ZRANB3: variants seen among roughly 807,000 people sequenced by gnomAD.
ZRANB3 encodes zinc finger RANBP2-type containing 3.
Under a neutral mutation model 133.8 loss-of-function variants are expected in ZRANB3, and 125 were observed. The observed-to-expected ratio is 0.93, with a 90% CI of 0.81 to 1.08. ZRANB3 has a LOEUF of 1.08. Among genes scored for constraint, ZRANB3 ranks in the 50% least tolerant of loss-of-function variants. ZRANB3 has a pLI of 0.00. For missense variants in ZRANB3, 1,229 were observed against 1,275.5 expected, an observed-to-expected ratio of 0.96 and a Z score of 0.56; for synonymous variants, 387 against 432.7, an observed-to-expected ratio of 0.89 and a Z score of 1.31.
chr2:135,400,722 G>T (rs1016568570), intron 2 of ZRANB3, among the ~76,000 whole-genome samples: 1 of 152,070 alleles, frequency 6.6e-6, no homozygotes, highest in Non-Finnish European at 1.5e-5. Context: ...AATATTTTAG[G>T]CTTTACAGGT....
chr2:135,265,314 C>T (rs1022748645), intron 12 of ZRANB3, among the ~76,000 whole-genome samples: 1 of 152,094 alleles, frequency 6.6e-6, no homozygotes, highest in African/African-American at 2.4e-5. Flanking sequence ...CTTTTGAACT[C>T]TGAATTTTAT....
intron 12 of ZRANB3, among the ~76,000 whole-genome samples, chr2:135,262,021 G>A (rs552145204): frequency 1.7e-4 from 26 of 151,916 alleles, no homozygotes; most frequent in African/African-American, 5.3e-4. Flanking sequence ...TTAGCCAGGC[G>A]TGGTGGCGTG....
intron 18 of ZRANB3, among the ~76,000 whole-genome samples, chr2:135,208,044 T>C (rs935679216): frequency 2.6e-5 from 4 of 152,212 alleles, no homozygotes; most frequent in Admixed American, 2.6e-4. Context: ...AATATAAATA[T>C]GTTGCCTCTC....
chr2:135,458,039 A>G (rs1046313381), intron 2 of ZRANB3, among the ~76,000 whole-genome samples: 1 of 152,124 alleles, frequency 6.6e-6, no homozygotes, highest in Admixed American at 6.5e-5. Context: ...TCTAGCTCTT[A>G]CATCTTTGAT....
intron 5 of ZRANB3, among the ~76,000 whole-genome samples, chr2:135,347,830 G>A (rs1685011959): frequency 6.6e-6 from 1 of 152,108 alleles, no homozygotes; most frequent in African/African-American, 2.4e-5. Context: ...AGTGCTTAGA[G>A]GAAAATTAAT....
intron 2 of ZRANB3, among the ~76,000 whole-genome samples, chr2:135,395,437 G>A (rs988543773): frequency 4.3e-5 from 6 of 140,818 alleles, no homozygotes; most frequent in Non-Finnish European, 6.0e-5. Context: ...AATGGGCAAA[G>A]ATTTCTTTTT....
chr2:135,376,980 T>C (rs1357788634), intron 3 of ZRANB3, among the ~76,000 whole-genome samples: 1 of 152,160 alleles, frequency 6.6e-6, no homozygotes, highest in Non-Finnish European at 1.5e-5. Context: ...ACATTGGAAA[T>C]GAATGGAGTC....
chr2:135,386,406 A>T (rs764961677), intron 3 of ZRANB3, among the ~76,000 whole-genome samples: 15 of 152,230 alleles, frequency 9.9e-5, no homozygotes, highest in Non-Finnish European at 1.5e-4. Context: ...AGTGTAAACT[A>T]GTTCAACCAT....
At chr2:135,469,542 T>C (rs1251844443) in intron 2 of ZRANB3, among the ~76,000 whole-genome samples, 2 of 152,180 alleles carry the variant, frequency 1.3e-5, no homozygotes, top group Admixed American at 1.3e-4. Context: ...ATAGAATTAA[T>C]TCAGTTTGAA....
chr2:135,381,166 T>G (rs1395084905), intron 3 of ZRANB3, among the ~76,000 whole-genome samples: 3 of 152,188 alleles, frequency 2.0e-5, no homozygotes, highest in Non-Finnish European at 2.9e-5. Flanking sequence ...ACTGTGCTTT[T>G]CTGACCGTCA....
intron 1 of ZRANB3, among the ~76,000 whole-genome samples, chr2:135,530,195 C>G (rs1244427242): frequency 7.1e-6 from 1 of 141,616 alleles, no homozygotes; most frequent in Non-Finnish European, 1.5e-5. Context: ...GGGGACAGAG[C>G]AAGACTCCGT....
At chr2:135,290,018 T>C (rs1433051041) in intron 8 of ZRANB3, among the ~76,000 whole-genome samples, 2 of 152,262 alleles carry the variant, frequency 1.3e-5, no homozygotes, top group Non-Finnish European at 2.9e-5. Context: ...ATGTATATTC[T>C]GTAGTTGTTG....
At chr2:135,485,320 G>A (rs1692062452) in intron 2 of ZRANB3, among the ~76,000 whole-genome samples, 2 of 152,162 alleles carry the variant, frequency 1.3e-5, no homozygotes, top group Non-Finnish European at 2.9e-5. Context: ...CCAGGGGCCA[G>A]TCTGGGTGCA....
intron 3 of ZRANB3, among the ~76,000 whole-genome samples, chr2:135,374,404 A>G (rs995516269): frequency 6.6e-6 from 1 of 152,116 alleles, no homozygotes; most frequent in Non-Finnish European, 1.5e-5. Flanking sequence ...AGACTACACT[A>G]AACAAACTAA....
At chr2:135,497,940 C>A (rs180745131) in intron 2 of ZRANB3, among the ~76,000 whole-genome samples, 1,567 of 152,048 alleles carry the variant, frequency 0.01, 25 homozygotes, top group African/African-American at 0.036. Flanking sequence ...GTAGTCCCAG[C>A]TACTCAGGAG....
At chr2:135,504,299 C>A (rs1351792819) in intron 2 of ZRANB3, 30 bp downstream of exon 2, 1 of 1,611,068 alleles carries the variant, frequency 6.2e-7, no homozygotes, top group Admixed American at 1.7e-5. Flanking sequence ...AGGAATTTAA[C>A]ATTTTTAGCA....
At chr2:135,491,870 A>G (rs893256805) in intron 2 of ZRANB3, among the ~76,000 whole-genome samples, 1 of 152,240 alleles carries the variant, frequency 6.6e-6, no homozygotes. Context: ...ACAAAGGTGA[A>G]CATCAAAAAA....
rs377257960 is a variant in ZRANB3, at chr2:135,269,111, C to T, written c.1237G>A (p.Val413Ile). The T allele has an allele frequency of 8.0e-5, 128 of 1,603,500 alleles. No homozygotes were observed. The highest frequency in any genetic ancestry group is 1.0e-4 in the Non-Finnish European group (119 of 1,176,796). ...GLTFTAASHV[V>I]FAELYWDPGH... ...GGGTCCCAGTACAACTCAGCAAATA[C>T]AACATGACTTGCTGCAGTAAATGTT... The change falls in exon 11 of 21, where the codon GTA becomes ATA. Residue 413 changes from valine (V) to isoleucine (I), a missense_variant. Transcript: ENST00000264159.
At chr2:135,225,213 C>T (rs568777601) in intron 14 of ZRANB3, among the ~76,000 whole-genome samples, 3 of 152,274 alleles carry the variant, frequency 2.0e-5, no homozygotes, top group South Asian at 2.1e-4. Flanking sequence ...AACTGAGGCA[C>T]GTTAACTTAC....
Sources: allele counts gnomAD v4.1 joint callset (sites outside exome capture counted in the v4.1 genomes callset), GRCh38; gene constraint gnomAD v4.1.1; transcripts MANE v1.5; gene names NCBI Gene and HGNC (gene_info 2026-07-23, HGNC 2026-07-21).